AFF3: variants seen among roughly 807,000 people sequenced by gnomAD.
The protein encoded by AFF3 is ALF transcription elongation factor 3.
In AFF3, 32 loss-of-function variants were observed where a neutral mutation model predicts 129.7. That is an observed-to-expected ratio of 0.25 (90% CI 0.19 to 0.33). The LOEUF is 0.33. Among genes scored for constraint, AFF3 ranks in the 10% least tolerant of loss-of-function variants. The probability of loss-of-function intolerance (pLI) is 1.00; values close to 1 mark genes in which losing one functional copy is unlikely to be tolerated. For synonymous variants in AFF3, 644 were observed against 635.4 expected, an observed-to-expected ratio of 1.01 and a Z score of -0.20; for missense variants, 1,373 against 1,592.0, an observed-to-expected ratio of 0.86 and a Z score of 2.34.
At chr2:99,767,061 G>A (rs1243265319) in intron 8 of AFF3, among the ~76,000 whole-genome samples, 1 of 152,214 alleles carries the variant, frequency 6.6e-6, no homozygotes, top group East Asian at 1.9e-4. Context: ...TGAACAGTCT[G>A]AGACTTAATA....
intron 15 of AFF3, among the ~76,000 whole-genome samples, chr2:99,589,419 T>TC (rs1678443692): frequency 6.7e-6 from 1 of 150,220 alleles, no homozygotes; most frequent in African/African-American, 2.5e-5. Flanking sequence ...TTTTTTTTTT[T>TC]TGAGACAGAG....
intron 4 of AFF3, among the ~76,000 whole-genome samples, chr2:100,057,320 CAAAAAAA>C (rs57672976): frequency 0.016 from 869 of 55,074 alleles, 8 homozygotes; most frequent in African/African-American, 0.055. Context: ...GACTCTGTCT[CAAAAAAA>C]AAAAAAAAAA....
intron 16 of AFF3, among the ~76,000 whole-genome samples, chr2:99,583,992 C>G (rs182737451): frequency 6.6e-6 from 1 of 152,056 alleles, no homozygotes; most frequent in Admixed American, 6.5e-5. Context: ...CGTGAGCTAC[C>G]GTGCCCAGTC....
chr2:99,958,299 C>T (rs1449240537), intron 7 of AFF3, among the ~76,000 whole-genome samples: 2 of 152,042 alleles, frequency 1.3e-5, no homozygotes, highest in African/African-American at 4.8e-5. Flanking sequence ...TCGAGACTAG[C>T]CTGGCCAACA....
chr2:99,592,943 C>CAAA lies in AFF3; in HGVS notation c.2466+249_2466+251dup, dbSNP rs57943865. Reference sequence around the variant, plus strand: ...AGAGTGAGACTCCCTCCCCCCCCCCCAAAAAAAGGGATAATAATGGTACTT... The same window carrying CAAA: ...AGAGTGAGACTCCCTCCCCCCCCCCCAAAAAAAAAAGGGATAATAATGGTACTT... On this transcript the variant is annotated intron_variant, in intron 15 of 24. Transcript: ENST00000672756. Among the ~76,000 whole-genome samples, 104 of 123,110 alleles carry CAAA rather than the reference C, an allele frequency of 8.4e-4. 2 individuals carry two copies. Among genetic ancestry groups the CAAA allele is most frequent in the Admixed American group, 2.9e-3 (35 of 11,872 alleles). The allele number at this position is 123,110 out of a possible 152,430, so 80.8% of individuals were successfully genotyped here. A position where few individuals can be genotyped will look rare whatever the true frequency, so the allele number is the denominator to read the frequency against.
At chr2:99,853,475 C>T (rs1364957235) in intron 7 of AFF3, among the ~76,000 whole-genome samples, 1 of 152,174 alleles carries the variant, frequency 6.6e-6, no homozygotes, top group Non-Finnish European at 1.5e-5. Flanking sequence ...TTGTTGAACA[C>T]ATCTTGTTTT....
chr2:99,992,824 GC>G (rs1248202113), intron 7 of AFF3, among the ~76,000 whole-genome samples: 4 of 152,308 alleles, frequency 2.6e-5, no homozygotes, highest in Non-Finnish European at 5.9e-5. Context: ...CAACTGTAAG[GC>G]AGGGGTTGCT....
At chr2:100,107,417 C>T (rs2105515811) in intron 2 of AFF3, 1 of 985,214 alleles carries the variant, frequency 1.0e-6, no homozygotes, top group East Asian at 1.1e-4. Context: ...AGGGTTTGGA[C>T]TTTTGGGGAT....
intron 20 of AFF3, among the ~76,000 whole-genome samples, chr2:99,562,856 T>C (rs1675596672): frequency 6.6e-6 from 1 of 152,210 alleles, no homozygotes; most frequent in African/African-American, 2.4e-5. Flanking sequence ...TCAGAGCCTT[T>C]CTGATACTAT....
intron 7 of AFF3, among the ~76,000 whole-genome samples, chr2:99,860,473 G>C (rs554217795): frequency 6.6e-6 from 1 of 152,130 alleles, no homozygotes; most frequent in African/African-American, 2.4e-5. Context: ...AGAATAGGGT[G>C]AACCTGGGAG....
At chr2:99,868,282 G>C (rs932456512) in intron 7 of AFF3, among the ~76,000 whole-genome samples, 7 of 152,066 alleles carry the variant, frequency 4.6e-5, no homozygotes, top group Admixed American at 1.3e-4. Context: ...TAGATCTTTT[G>C]ATTTTTTTTT....
intron 12 of AFF3, among the ~76,000 whole-genome samples, chr2:99,659,653 A>G (rs1686054815): frequency 6.6e-6 from 1 of 152,192 alleles, no homozygotes; most frequent in Non-Finnish European, 1.5e-5. Flanking sequence ...CTTTCCAGAT[A>G]GTTCCAGCCT....
At chr2:99,941,074 C>T (rs1399737149) in intron 7 of AFF3, among the ~76,000 whole-genome samples, 19 of 152,160 alleles carry the variant, frequency 1.2e-4, no homozygotes, top group Non-Finnish European at 1.6e-4. Context: ...CCAGGCAGCA[C>T]AGGCTGTGCT....
intron 8 of AFF3, among the ~76,000 whole-genome samples, chr2:99,787,720 G>A (rs954704397): frequency 6.6e-6 from 1 of 152,134 alleles, no homozygotes; most frequent in Non-Finnish European, 1.5e-5. Context: ...GCTGAGCAGG[G>A]AGAAGAAAAC....
chr2:99,981,798 A>C (rs1338514593), intron 7 of AFF3, among the ~76,000 whole-genome samples: 1 of 152,210 alleles, frequency 6.6e-6, no homozygotes, highest in Non-Finnish European at 1.5e-5. Context: ...TTTGAATTTG[A>C]GATCATGTTT....
At chr2:99,695,824 G>C (rs1226258395) in intron 11 of AFF3, among the ~76,000 whole-genome samples, 1 of 150,034 alleles carries the variant, frequency 6.7e-6, no homozygotes, top group Non-Finnish European at 1.5e-5. Context: ...TGATTGAGGT[G>C]ATGAAGAGAC....
chr2:100,000,340 T>C (rs919739980), intron 7 of AFF3, among the ~76,000 whole-genome samples: 9 of 152,038 alleles, frequency 5.9e-5, no homozygotes, highest in Non-Finnish European at 1.2e-4. Flanking sequence ...AGAGAAAAGG[T>C]GATCTCAGAC....
At chr2:99,776,459 C>T (rs539521241) in intron 8 of AFF3, among the ~76,000 whole-genome samples, 4 of 152,294 alleles carry the variant, frequency 2.6e-5, no homozygotes, top group African/African-American at 9.6e-5. Flanking sequence ...TTTAGCAACA[C>T]TGAAGAATTT....
At chr2:100,010,128 T>C (rs865942170) in intron 4 of AFF3, among the ~76,000 whole-genome samples, 5 of 152,342 alleles carry the variant, frequency 3.3e-5, no homozygotes, top group African/African-American at 4.8e-5. Flanking sequence ...GGCACTGTTA[T>C]AAGGCTTAAA....
Sources: allele counts gnomAD v4.1 joint callset (sites outside exome capture counted in the v4.1 genomes callset), GRCh38; gene constraint gnomAD v4.1.1; transcripts MANE v1.5; gene names NCBI Gene and HGNC (gene_info 2026-07-23, HGNC 2026-07-21).